The following FUT9 variants were observed in gnomAD, a reference collection of about 807,000 sequenced individuals.
FUT9 encodes 4-galactosyl-N-acetylglucosaminide 3-alpha-L-fucosyltransferase 9.
A neutral mutation model predicts 29.7 loss-of-function variants in FUT9; 15 were observed. The ratio of observed to expected loss-of-function variants is 0.51; its 90% CI spans 0.34 to 0.78. The LOEUF is 0.78. FUT9 is among the 30% of genes least tolerant of loss of function. FUT9 has a pLI of 0.01. For synonymous variants in FUT9, 169 were observed against 153.7 expected (o/e 1.10, Z -0.74); for missense variants, 319 against 425.4 (o/e 0.75, Z 2.20).
At chr6:96,153,424 T>C (rs1196591594) in intron 2 of FUT9, among the ~76,000 whole-genome samples, 1 of 152,184 alleles carries the variant, frequency 6.6e-6, no homozygotes, top group Non-Finnish European at 1.5e-5. Context: ...TTGGAAAAAC[T>C]AACACTTCTT....
In FUT9 at chr6:96,170,084, G is replaced by T. The variant is rs912193082; in HGVS notation, c.-8-33064G>T. 2.6e-5 allele frequency among the ~76,000 whole-genome samples: 4 copies of T among 152,260 alleles called. No homozygotes were observed. In the South Asian group the frequency reaches 8.3e-4, roughly 32 times the overall value. ...TCTGATATGTTTTGAAAAGTCTAAT[G>T]AAATTATAAATATAATATTTCAGAG... On this transcript the variant is annotated intron_variant, in intron 2 of 2. Transcript: ENST00000302103.
chr6:96,025,525 A>T (rs942647295), intron 1 of FUT9, among the ~76,000 whole-genome samples: 1 of 151,654 alleles, frequency 6.6e-6, no homozygotes, highest in African/African-American at 2.4e-5. Flanking sequence ...TTTGATACTT[A>T]TTGGGGATAT....
At chr6:96,088,166 C>A (rs1447373425) in intron 1 of FUT9, among the ~76,000 whole-genome samples, 4 of 152,094 alleles carry the variant, frequency 2.6e-5, no homozygotes, top group African/African-American at 9.6e-5. Context: ...ATGCAGCAAA[C>A]CAACAAGGCA....
At chr6:96,184,790 G>T (rs563061238) in intron 2 of FUT9, among the ~76,000 whole-genome samples, 2 of 152,088 alleles carry the variant, frequency 1.3e-5, no homozygotes, top group Non-Finnish European at 2.9e-5. Flanking sequence ...TTGATTTCCA[G>T]TTTTATTCTG....
intron 1 of FUT9, among the ~76,000 whole-genome samples, chr6:96,108,746 G>A (rs2127959757): frequency 6.6e-6 from 1 of 152,166 alleles, no homozygotes; most frequent in African/African-American, 2.4e-5. Context: ...TATTCACTTT[G>A]CATAACCTAT....
intron 1 of FUT9, among the ~76,000 whole-genome samples, chr6:96,055,557 G>A (rs1291984376): frequency 6.6e-6 from 1 of 151,340 alleles, no homozygotes; most frequent in East Asian, 1.9e-4. Context: ...ATTGTTCAAG[G>A]GTAAATGTGC....
intron 2 of FUT9, among the ~76,000 whole-genome samples, chr6:96,155,884 T>C (rs1211396421): frequency 6.6e-6 from 1 of 152,280 alleles, no homozygotes; most frequent in East Asian, 1.9e-4. Context: ...AAATTTCTGC[T>C]GCTTAATCTA....
intron 1 of FUT9, among the ~76,000 whole-genome samples, chr6:96,112,415 G>A (rs902036322): frequency 2.0e-5 from 3 of 152,162 alleles, no homozygotes; most frequent in Non-Finnish European, 4.4e-5. Context: ...AGACAAGACA[G>A]ATCCATTTCT....
chr6:96,147,919 G>A (rs1772603202), intron 2 of FUT9, among the ~76,000 whole-genome samples: 1 of 151,082 alleles, frequency 6.6e-6, no homozygotes, highest in African/African-American at 2.4e-5. Context: ...CATTTGATAT[G>A]TTTCTGCATC....
In FUT9 at chr6:96,212,325, A is replaced by T. The variant is rs555667262; in HGVS notation, c.*8090A>T. 1.0e-4 allele frequency: 42 copies of T among 412,760 alleles called. 1 individual carries two copies. In the South Asian group the frequency reaches 1.7e-3, roughly 16 times the overall value. 25.6% of individuals were successfully genotyped at this position (412,760 alleles called of 1,614,324 possible). On this transcript the variant is annotated 3_prime_UTR_variant, in exon 3 of 3. Coordinates refer to ENST00000302103, the MANE Select transcript of FUT9 (RefSeq NM_006581.4). ...TAGGATGGAATACATGTCTCCAGGG[A>T]CTGTAATGAGATCAGGCTTTTCATT...
intron 2 of FUT9, among the ~76,000 whole-genome samples, chr6:96,120,031 C>CT (rs1332692136): frequency 6.6e-6 from 1 of 151,964 alleles, no homozygotes; most frequent in Non-Finnish European, 1.5e-5. Context: ...ATATTTAACC[C>CT]TCATTTGTTA....
At chr6:96,067,196 AT>A (rs398110442) in intron 1 of FUT9, among the ~76,000 whole-genome samples, 12 of 26,920 alleles carry the variant, frequency 4.5e-4, no homozygotes, top group African/African-American at 1.5e-3. Context: ...TAGGCTATGA[AT>A]ATATATATAT....
chr6:96,185,763 T>G (rs1234352787), intron 2 of FUT9, among the ~76,000 whole-genome samples: 1 of 152,134 alleles, frequency 6.6e-6, no homozygotes, highest in Non-Finnish European at 1.5e-5. Context: ...GTGGCCTCCA[T>G]TTTTTCTATT....
At chr6:96,054,270 A>G (rs1562109673) in intron 1 of FUT9, among the ~76,000 whole-genome samples, 1 of 152,190 alleles carries the variant, frequency 6.6e-6, no homozygotes, top group Admixed American at 6.5e-5. Flanking sequence ...TATAACAAAA[A>G]TGAAAGAGAT....
chr6:96,133,776 C>T (rs1772295547), intron 2 of FUT9, among the ~76,000 whole-genome samples: 1 of 151,882 alleles, frequency 6.6e-6, no homozygotes, highest in East Asian at 1.9e-4. Flanking sequence ...GTATAGTATA[C>T]TTTGCTAAAA....
intron 2 of FUT9, among the ~76,000 whole-genome samples, chr6:96,134,079 G>A (rs1268922065): frequency 1.3e-5 from 2 of 151,372 alleles, no homozygotes; most frequent in Admixed American, 6.6e-5. Context: ...TGAGTTAAAT[G>A]AGAAAAATAA....
chr6:96,152,649 T>C (rs1212529422), intron 2 of FUT9, among the ~76,000 whole-genome samples: 2 of 152,212 alleles, frequency 1.3e-5, no homozygotes, highest in East Asian at 1.9e-4. Flanking sequence ...GGGACTGCAT[T>C]AGGACTTACT....
intron 2 of FUT9, among the ~76,000 whole-genome samples, chr6:96,188,611 C>T (rs1215428812): frequency 6.8e-6 from 1 of 147,850 alleles, no homozygotes; most frequent in African/African-American, 2.5e-5. Context: ...TGCTTGGAAC[C>T]ATGCTTGGCA....
chr6:96,141,432 T>G (rs1772461465), intron 2 of FUT9, among the ~76,000 whole-genome samples: 1 of 152,028 alleles, frequency 6.6e-6, no homozygotes, highest in Non-Finnish European at 1.5e-5. Context: ...GTAAGTCCTG[T>G]AAAAAAGACT....
Sources: gnomAD v4.1 joint callset for allele counts (sites outside exome capture counted in the v4.1 genomes callset) on GRCh38, gnomAD v4.1.1 for gene constraint, MANE v1.5 for transcripts, NCBI Gene and HGNC (gene_info 2026-07-23, HGNC 2026-07-21) for gene names.